The following REC114 variants were observed in gnomAD, a reference collection of about 807,000 sequenced individuals.
REC114 encodes the protein REC114 meiotic recombination protein.
REC114 carries 27 observed loss-of-function variants against 31.3 expected under a neutral mutation model. That is an observed-to-expected ratio of 0.86 (90% CI 0.64 to 1.19). The LOEUF is 1.19. Ranked by LOEUF, REC114 falls within the 50% of genes most tolerant of loss-of-function variation. The pLI is 0.00. For missense variants in REC114, 344 were observed against 326.9 expected, an observed-to-expected ratio of 1.05 and a Z score of -0.40; for synonymous variants, 134 against 127.7, an observed-to-expected ratio of 1.05 and a Z score of -0.33.
intron 2 of REC114, among the ~76,000 whole-genome samples, chr15:73,531,059 G>T (rs993779408): frequency 6.6e-6 from 1 of 152,078 alleles, no homozygotes; most frequent in Non-Finnish European, 1.5e-5. Context: ...ATAAAATGCT[G>T]TTTTCTTCAA....
At chr15:73,480,270 T>A (rs932657523) in intron 2 of REC114, among the ~76,000 whole-genome samples, 3 of 151,902 alleles carry the variant, frequency 2.0e-5, no homozygotes, top group African/African-American at 2.4e-5. Flanking sequence ...TTGCTAATTT[T>A]TTTTATTTTT....
chr15:73,533,772 A>G (rs1464115655), intron 2 of REC114, among the ~76,000 whole-genome samples: 118 of 145,794 alleles, frequency 8.1e-4, no homozygotes, highest in African/African-American at 3.0e-3. Flanking sequence ...TACAAAATTG[A>G]CCACATACTG....
intron 1 of REC114, among the ~76,000 whole-genome samples, chr15:73,447,651 A>ATAAATAAT (rs1892786355): frequency 8.2e-6 from 1 of 122,490 alleles, no homozygotes; most frequent in Non-Finnish European, 1.7e-5. Context: ...CTGTCTCAAA[A>ATAAATAAT]TAAATAAATA....
At chr15:73,468,318 C>G (rs946932668) in intron 1 of REC114, among the ~76,000 whole-genome samples, 4 of 151,962 alleles carry the variant, frequency 2.6e-5, no homozygotes, top group Non-Finnish European at 4.4e-5. Flanking sequence ...TCATATTTAT[C>G]CCTTAGTATT....
intron 1 of REC114, among the ~76,000 whole-genome samples, chr15:73,460,063 T>C (rs1892969459): frequency 6.6e-6 from 1 of 152,232 alleles, no homozygotes. Context: ...ACATTTTTTT[T>C]CTATGACAAA....
chr15:73,487,354 T>C (rs1893385082), intron 2 of REC114, among the ~76,000 whole-genome samples: 2 of 152,202 alleles, frequency 1.3e-5, no homozygotes, highest in African/African-American at 4.8e-5. Flanking sequence ...CAAGGTAAGA[T>C]TCATCCTGAG....
At chr15:73,505,266 G>A (rs1346712302) in intron 2 of REC114, among the ~76,000 whole-genome samples, 1 of 152,042 alleles carries the variant, frequency 6.6e-6, no homozygotes, top group Non-Finnish European at 1.5e-5. Flanking sequence ...AATTTAGTTT[G>A]ACATTTGGTC....
At chr15:73,450,366 C>T (rs576831731) in intron 1 of REC114, among the ~76,000 whole-genome samples, 1 of 151,796 alleles carries the variant, frequency 6.6e-6, no homozygotes, top group Admixed American at 6.6e-5. Flanking sequence ...AGACTTTAAA[C>T]CAGCAAAGAT....
intron 2 of REC114, among the ~76,000 whole-genome samples, chr15:73,515,168 C>G (rs1893840491): frequency 6.6e-6 from 1 of 152,108 alleles, no homozygotes; most frequent in African/African-American, 2.4e-5. Flanking sequence ...CTGCATCAAG[C>G]AACCCTCCCA....
chr15:73,558,097 T>TG (rs1405465218), intron 5 of REC114, among the ~76,000 whole-genome samples: 1 of 152,142 alleles, frequency 6.6e-6, no homozygotes, highest in African/African-American at 2.4e-5. Flanking sequence ...CCAAGCACTT[T>TG]GGGGGGCTGA....
chr15:73,507,667 A>G (rs763924576), intron 2 of REC114, among the ~76,000 whole-genome samples: 10 of 152,242 alleles, frequency 6.6e-5, no homozygotes, highest in Non-Finnish European at 1.3e-4. Context: ...ATGTACGTAC[A>G]CATATATAGT....
At chr15:73,505,427 C>T (rs949931346) in intron 2 of REC114, among the ~76,000 whole-genome samples, 4 of 152,090 alleles carry the variant, frequency 2.6e-5, no homozygotes, top group East Asian at 1.9e-4. Context: ...GATTTTTCTA[C>T]GCATCCCTTT....
chr15:73,474,606 A>G (rs189294377), intron 2 of REC114, among the ~76,000 whole-genome samples: 1 of 152,336 alleles, frequency 6.6e-6, no homozygotes, highest in Non-Finnish European at 1.5e-5. Flanking sequence ...ACAAATATTT[A>G]CTATCTACAT....
chr15:73,452,360 A>G (rs954770146), intron 1 of REC114, among the ~76,000 whole-genome samples: 4 of 152,228 alleles, frequency 2.6e-5, no homozygotes, highest in African/African-American at 9.6e-5. Flanking sequence ...AGAGAGCCAA[A>G]TCATGAGTGA....
At chr15:73,541,846 T>A (rs1894240636) in intron 3 of REC114, among the ~76,000 whole-genome samples, 1 of 152,190 alleles carries the variant, frequency 6.6e-6, no homozygotes, top group Admixed American at 6.5e-5. Context: ...ACATTATTAC[T>A]AAAATTTTAA....
chr15:73,524,751 C>G (rs1567889074), intron 2 of REC114, among the ~76,000 whole-genome samples: 4 of 152,116 alleles, frequency 2.6e-5, no homozygotes, highest in Admixed American at 6.6e-5. Context: ...GCACCCACCA[C>G]CATGCTAGGC....
chr15:73,472,665 A>G (rs745517117), intron 1 of REC114, among the ~76,000 whole-genome samples: 5 of 152,154 alleles, frequency 3.3e-5, no homozygotes, highest in African/African-American at 9.7e-5. Context: ...CCACCTATAT[A>G]GTATAGTCAC....
intron 1 of REC114, among the ~76,000 whole-genome samples, chr15:73,444,152 GTGGCTGCTGAC>G (rs1310785469): frequency 6.6e-6 from 1 of 152,206 alleles, no homozygotes; most frequent in East Asian, 1.9e-4. Flanking sequence ...CTTCATGCTG[GTGGCTGCTGAC>G]TGATCAGAGT....
chr15:73,499,871 C>A (rs1175321705), intron 2 of REC114, among the ~76,000 whole-genome samples: 1 of 152,116 alleles, frequency 6.6e-6, no homozygotes, highest in Non-Finnish European at 1.5e-5. Context: ...TATTGTATTA[C>A]TGACTAGCTC....
Sources: allele counts gnomAD v4.1 joint callset (sites outside exome capture counted in the v4.1 genomes callset), GRCh38; gene constraint gnomAD v4.1.1; transcripts MANE v1.5; gene names NCBI Gene and HGNC (gene_info 2026-07-23, HGNC 2026-07-21).